SRGAP3: variants seen among roughly 807,000 people sequenced by gnomAD.
SRGAP3 encodes SLIT-ROBO Rho GTPase-activating protein 3.
Under a neutral mutation model 121.1 loss-of-function variants are expected in SRGAP3, and 39 were observed. The ratio of observed to expected loss-of-function variants is 0.32; its 90% CI spans 0.25 to 0.42. The LOEUF (loss-of-function observed/expected upper bound fraction) is 0.42, where lower values mean the gene tolerates loss of function less well. SRGAP3 is among the 10% of genes least tolerant of loss of function. SRGAP3 has a pLI of 1.00. For synonymous variants in SRGAP3, 601 were observed against 570.0 expected (o/e 1.05, Z -0.77); for missense variants, 1,213 against 1,470.6 (o/e 0.82, Z 2.86).
At position 9,109,401 on chromosome 3, in the gene SRGAP3, G is replaced by A. The variant is rs1379856444; in HGVS notation, c.261-4559C>T. Among the ~76,000 whole-genome samples the A allele has an allele frequency of 6.6e-6, 1 of 152,218 alleles. No individual in the cohort carries two copies. On this transcript the variant is annotated intron_variant, in intron 2 of 21. Coordinates refer to ENST00000383836, the MANE Select transcript of SRGAP3 (RefSeq NM_014850.4). The surrounding 1 kb of genome is among the most constrained non-coding windows in gnomAD (Gnocchi z 4.4). Reference sequence around the variant, plus strand: ...AAGCTGCAAGCCAGGAGGCAGTGCGGTATAAGACAGAATTGCAGGAGGCAG... The same window carrying A: ...AAGCTGCAAGCCAGGAGGCAGTGCGATATAAGACAGAATTGCAGGAGGCAG...
intron 1 of SRGAP3, among the ~76,000 whole-genome samples, chr3:9,334,784 G>A (rs762962554): frequency 2.6e-5 from 4 of 152,204 alleles, no homozygotes; most frequent in Non-Finnish European, 5.9e-5. Context: ...GTGATAGGAT[G>A]AGAAATCGTG....
intron 1 of SRGAP3, among the ~76,000 whole-genome samples, chr3:9,166,226 T>C (rs1037400892): frequency 2.6e-5 from 4 of 152,228 alleles, no homozygotes; most frequent in African/African-American, 9.6e-5. Flanking sequence ...CCACTAGGTC[T>C]GAGCTCCAGG....
intron 1 of SRGAP3, among the ~76,000 whole-genome samples, chr3:9,210,011 A>G (rs1267587789): frequency 2.6e-5 from 4 of 152,126 alleles, no homozygotes; most frequent in Non-Finnish European, 5.9e-5. Flanking sequence ...ATGAACTTCA[A>G]AAAACATTAT....
intron 1 of SRGAP3, among the ~76,000 whole-genome samples, chr3:9,177,559 A>G (rs1231100115): frequency 2.0e-5 from 3 of 152,028 alleles, no homozygotes; most frequent in African/African-American, 7.3e-5. Context: ...TGTATACTCA[A>G]AGGTCTCCAT....
chr3:9,065,893 A>C (rs955784161), intron 4 of SRGAP3, among the ~76,000 whole-genome samples: 8 of 152,338 alleles, frequency 5.3e-5, no homozygotes, highest in African/African-American at 1.9e-4. Context: ...ATATATATTT[A>C]ATCATATTGG....
At chr3:9,058,702 C>T in intron 6 of SRGAP3, 3 of 456,232 alleles carry the variant, frequency 6.6e-6, no homozygotes, top group South Asian at 2.7e-5. Context: ...TATTCACCAT[C>T]TTTCTCTCTC....
rs532149639 is a variant in SRGAP3 at position 9,152,801 on chromosome 3, C to T, written c.68-27884G>A. Among the ~76,000 whole-genome samples the T allele has an allele frequency of 3.5e-4, 53 of 152,302 alleles. No individual in the cohort carries two copies. In the South Asian group the frequency reaches 7.3e-3, roughly 21 times the overall value. ...CTAGAAGACTGTCCTTGGCTGTCAG[C>T]CTTCTATAAAGATTGCCTTCCAGAG... On this transcript the variant is annotated intron_variant, in intron 1 of 21. Transcript: ENST00000383836.
intron 1 of SRGAP3, among the ~76,000 whole-genome samples, chr3:9,186,439 C>A (rs1401603151): frequency 6.6e-6 from 1 of 152,158 alleles, no homozygotes; most frequent in South Asian, 2.1e-4. Flanking sequence ...TATAACAGCA[C>A]CTGGGACGCT....
At chr3:9,119,047 C>T (rs1021246832) in intron 2 of SRGAP3, among the ~76,000 whole-genome samples, 11 of 152,308 alleles carry the variant, frequency 7.2e-5, no homozygotes, top group East Asian at 1.9e-4. Context: ...CTAGGGACCC[C>T]GGGTCAAGAG....
At chr3:8,999,872 T>C (rs186588981) in intron 18 of SRGAP3, among the ~76,000 whole-genome samples, 2 of 151,206 alleles carry the variant, frequency 1.3e-5, no homozygotes, top group African/African-American at 4.9e-5. Context: ...CGAGAAAAAA[T>C]ATAAAAAGAA....
intron 3 of SRGAP3, among the ~76,000 whole-genome samples, chr3:9,094,338 G>C (rs1575065279): frequency 6.6e-6 from 1 of 152,154 alleles, no homozygotes; most frequent in African/African-American, 2.4e-5. Context: ...ATTCCATGGT[G>C]CAACTACCCA....
intron 3 of SRGAP3, among the ~76,000 whole-genome samples, chr3:9,090,406 C>CAA (rs397972482): frequency 3.8e-4 from 55 of 144,034 alleles, no homozygotes; most frequent in Admixed American, 9.7e-4. Flanking sequence ...TTTCTTTGCA[C>CAA]AAAAAAAAAA....
rs869098475 is a variant in SRGAP3, at chr3:9,356,358, ATTTTTTTTTTTTTTT to A, written n.214+6467_214+6481del. 5.0e-4 allele frequency among the ~76,000 whole-genome samples: 20 copies of A among 39,648 alleles called. No homozygotes were observed. In the East Asian group the frequency reaches 9.0e-3, roughly 18 times the overall value. 26.0% of individuals were successfully genotyped at this position (39,648 alleles called of 152,430 possible). A position where few individuals can be genotyped will look rare whatever the true frequency, so the allele number is the denominator to read the frequency against. On this transcript the variant is annotated intron_variant and non_coding_transcript_variant, in intron 1 of 3. Transcript: ENST00000490889. ...AGGTATGCACTATCATGGCCAGCTA[ATTTTTTTTTTTTTTT>A]TTTTTTTTTTTTTTTTTGAGACAGA...
intron 9 of SRGAP3, among the ~76,000 whole-genome samples, chr3:9,051,674 T>G (rs2125157629): frequency 6.6e-6 from 1 of 151,320 alleles, no homozygotes; most frequent in South Asian, 2.1e-4. Flanking sequence ...AGGAGCATAG[T>G]ACCCGGTATA....
chr3:9,049,914 G>A (rs958866512), intron 9 of SRGAP3, among the ~76,000 whole-genome samples: 1 of 151,564 alleles, frequency 6.6e-6, no homozygotes, highest in African/African-American at 2.4e-5. Context: ...GCACACGCCA[G>A]CCAAGTAGCT....
In SRGAP3 at chr3:9,249,281, T is replaced by TCA. The variant is rs1348574438; in HGVS notation, c.-332_-331dup. The stretch of plus-strand genomic sequence containing the variant: ...TAATAATAGTAATAACCAAGCGCAC[T>TCA]CACACACACATGCACACGTACACAC... On this transcript the variant is annotated 5_prime_UTR_variant, in exon 1 of 22. An upstream open reading frame in the 5' UTR gains an earlier in-frame stop. Coordinates refer to ENST00000383836, the MANE Select transcript of SRGAP3 (RefSeq NM_014850.4). 8.7e-6 allele frequency: 4 copies of TCA among 459,684 alleles called. No homozygotes were observed. Among genetic ancestry groups the TCA allele is most frequent in the East Asian group, 7.7e-5 (2 of 26,140 alleles). 28.5% of individuals were successfully genotyped at this position (459,684 alleles called of 1,614,324 possible).
intron 3 of SRGAP3, among the ~76,000 whole-genome samples, chr3:9,291,541 T>A (rs1184423853): frequency 1.3e-5 from 2 of 151,738 alleles, no homozygotes; most frequent in Non-Finnish European, 2.9e-5. Context: ...TATGGTCTAT[T>A]CTCCCAAAAA....
At chr3:9,305,552 G>A (rs1425361515) in intron 3 of SRGAP3, among the ~76,000 whole-genome samples, 4 of 151,424 alleles carry the variant, frequency 2.6e-5, no homozygotes, top group Admixed American at 6.6e-5. Flanking sequence ...AATGCTATCC[G>A]TCCCCCAGTC....
intron 1 of SRGAP3, among the ~76,000 whole-genome samples, chr3:9,151,679 T>C (rs889581111): frequency 2.0e-5 from 3 of 152,136 alleles, no homozygotes; most frequent in Non-Finnish European, 4.4e-5. Context: ...ACATTTCAAG[T>C]CTGCAAGGAT....
Sources: gnomAD v4.1 joint callset for allele counts (sites outside exome capture counted in the v4.1 genomes callset) on GRCh38, gnomAD v4.1.1 for gene constraint, Gnocchi (gnomAD v3.1) non-coding constraint, MANE v1.5 for transcripts, NCBI Gene and HGNC (gene_info 2026-07-23, HGNC 2026-07-21) for gene names.